PIK3R5: variants seen among roughly 807,000 people sequenced by gnomAD.
PIK3R5 encodes the protein phosphoinositide 3-kinase regulatory subunit 5.
In PIK3R5, 32 loss-of-function variants were observed where a neutral mutation model predicts 94.9. The observed-to-expected ratio is 0.34, with a 90% CI of 0.25 to 0.45. The LOEUF (loss-of-function observed/expected upper bound fraction) is 0.45. Ranked by LOEUF, PIK3R5 falls within the 20% of genes least tolerant of loss-of-function variation. The pLI, the probability that PIK3R5 is intolerant of heterozygous loss-of-function variation, is 1.00. For missense variants in PIK3R5, 853 were observed against 1,144.6 expected (o/e 0.75, Z 3.68); for synonymous variants, 443 against 479.4 (o/e 0.92, Z 0.99).
chr17:8,959,217 G>A (rs2091515917), intron 1 of PIK3R5, among the ~76,000 whole-genome samples: 1 of 152,208 alleles, frequency 6.6e-6, no homozygotes, highest in Non-Finnish European at 1.5e-5. Context: ...CCTCTACACA[G>A]TTTTCATTAT....
intron 6 of PIK3R5, among the ~76,000 whole-genome samples, chr17:8,891,764 CTT>C (rs796816095): frequency 6.9e-6 from 1 of 144,554 alleles, no homozygotes; most frequent in Non-Finnish European, 1.5e-5. Flanking sequence ...GCCCAGCTAA[CTT>C]TTTTTTTTTT....
intron 1 of PIK3R5, among the ~76,000 whole-genome samples, chr17:8,932,090 T>A (rs968403388): frequency 6.6e-6 from 1 of 152,064 alleles, no homozygotes; most frequent in African/African-American, 2.4e-5. Flanking sequence ...AGTAATTCAA[T>A]GAATAAAAAC....
At chr17:8,949,022 G>T (rs2091328216) in intron 1 of PIK3R5, among the ~76,000 whole-genome samples, 1 of 152,142 alleles carries the variant, frequency 6.6e-6, no homozygotes, top group Admixed American at 6.5e-5. Context: ...AGGAGGAGCT[G>T]CCCTGGGTGA....
At chr17:8,936,277 G>A (rs1475680832) in intron 1 of PIK3R5, among the ~76,000 whole-genome samples, 1 of 152,160 alleles carries the variant, frequency 6.6e-6, no homozygotes, top group East Asian at 1.9e-4. Flanking sequence ...AGTAGTCACT[G>A]AAGTCCACAG....
rs1159250234 is a variant in PIK3R5, at chr17:8,945,380, G to C, written c.-14+20216C>G. On this transcript the variant is annotated intron_variant, in intron 1 of 18. Coordinates refer to ENST00000447110, the MANE Select transcript of PIK3R5 (RefSeq NM_001142633.3). The surrounding 1 kb of genome is among the most constrained non-coding windows in gnomAD (Gnocchi z 4.0). ...CACACACACACACTCACACCCTTCA[G>C]GGAATGAGAAACTGGTCCCAGGGCT... Among the ~76,000 whole-genome samples the C allele has an allele frequency of 6.6e-6, 1 of 152,108 alleles. No homozygotes were observed. Among genetic ancestry groups the C allele is most frequent in the South Asian group, 2.1e-4 (1 of 4,820 alleles).
chr17:8,905,803 A>ATT, intron 3 of PIK3R5, 66 bp from the exon 4 acceptor site: 1 of 1,011,486 alleles, frequency 9.9e-7, no homozygotes, highest in Non-Finnish European at 1.4e-6. Context: ...GAGGCAGAAT[A>ATT]CAGTGGTTCT....
intron 3 of PIK3R5, among the ~76,000 whole-genome samples, chr17:8,907,093 G>A (rs1039378353): frequency 2.0e-5 from 3 of 152,124 alleles, no homozygotes; most frequent in Admixed American, 2.0e-4. Flanking sequence ...GTGCAATATC[G>A]GCTCACTGCA....
intron 5 of PIK3R5, among the ~76,000 whole-genome samples, chr17:8,900,056 C>G (rs1411605800): frequency 1.3e-5 from 2 of 150,496 alleles, no homozygotes; most frequent in Non-Finnish European, 3.0e-5. Flanking sequence ...AAAAATCGTG[C>G]GAAAGTATTT....
intron 1 of PIK3R5, among the ~76,000 whole-genome samples, chr17:8,944,011 A>G (rs1006318327): frequency 6.6e-6 from 1 of 151,810 alleles, no homozygotes; most frequent in African/African-American, 2.4e-5. Flanking sequence ...AGTACCCAAT[A>G]GTTATTTTTT....
In PIK3R5 at chr17:8,892,274, C is replaced by A. The variant is rs969629752; in HGVS notation, c.482+1312G>T. Among the ~76,000 whole-genome samples the A allele has an allele frequency of 6.6e-6, 1 of 152,302 alleles. No homozygotes were observed. The highest frequency in any genetic ancestry group is 2.4e-5 in the African/African-American group (1 of 41,570). ...TTTGGGAAGAAACTCACTTTGATTT[C>A]TCTATCTGTAAGAAAAAGGAGGTGG... On this transcript the variant is annotated intron_variant, in intron 6 of 18. Coordinates refer to ENST00000447110, the MANE Select transcript of PIK3R5 (RefSeq NM_001142633.3). The surrounding 1 kb of genome is among the most constrained non-coding windows in gnomAD (Gnocchi z 4.3).
In PIK3R5 at chr17:8,955,123, A is replaced by C. The variant is rs1048138891; in HGVS notation, c.-14+10473T>G. On this transcript the variant is annotated intron_variant, in intron 1 of 18. Coordinates refer to ENST00000447110, the MANE Select transcript of PIK3R5 (RefSeq NM_001142633.3). This position sits in a 1 kb window ranked among gnomAD's most constrained non-coding sequence, Gnocchi z 4.4. Reference sequence around the variant, plus strand: ...CAGTTGTGCACAGAAGACCAGTGATATGTCTGGAGGGTCCTTGAGGGGAGG... The same window carrying C: ...CAGTTGTGCACAGAAGACCAGTGATCTGTCTGGAGGGTCCTTGAGGGGAGG... Among the ~76,000 whole-genome samples the C allele has an allele frequency of 6.6e-6, 1 of 151,988 alleles. No homozygotes were observed. Among genetic ancestry groups the C allele is most frequent in the African/African-American group, 2.4e-5 (1 of 41,366 alleles).
chr17:8,887,371 A>G, intron 11 of PIK3R5, 150 bp from the exon 12 acceptor site: 1 of 1,339,228 alleles, frequency 7.5e-7, no homozygotes, highest in African/African-American at 1.5e-5. Context: ...TCATATGGCA[A>G]AATGTCATGT....
rs1347734055 is a variant in PIK3R5 at position 8,893,569 on chromosome 17, C to G, written c.482+17G>C. 2 of 1,607,388 alleles carry G rather than the reference C, an allele frequency of 1.2e-6. No homozygotes were observed. The highest frequency in any genetic ancestry group is 1.7e-6 in the Non-Finnish European group (2 of 1,174,064). Reference sequence around the variant, plus strand: ...AACTCCCTCCCCACTGTTTCTCCGTCCCCCAAGAGCACTCACACGGTGGAG... The same window carrying G: ...AACTCCCTCCCCACTGTTTCTCCGTGCCCCAAGAGCACTCACACGGTGGAG... On this transcript the variant is annotated intron_variant, in intron 6 of 18. Coordinates refer to ENST00000447110, the MANE Select transcript of PIK3R5 (RefSeq NM_001142633.3). The surrounding 1 kb of genome is among the most constrained non-coding windows in gnomAD (Gnocchi z 5.1).
intron 5 of PIK3R5, among the ~76,000 whole-genome samples, chr17:8,901,444 A>T (rs1011046060): frequency 1.3e-5 from 2 of 152,298 alleles, no homozygotes; most frequent in South Asian, 2.1e-4. Flanking sequence ...CGAGGCACAG[A>T]CAGGTCAGCT....
At position 8,889,542 on chromosome 17, in the gene PIK3R5, G is replaced by T. The variant is rs1429812154; in HGVS notation, c.812-320C>A. ...CCAGAAGGTTTTTATGAGGAATATT[G>T]TAACAGGGAATGCTAATGGTTCCTC... On this transcript the variant is annotated intron_variant, in intron 8 of 18. Coordinates refer to ENST00000447110, the MANE Select transcript of PIK3R5 (RefSeq NM_001142633.3). The surrounding 1 kb of genome is among the most constrained non-coding windows in gnomAD (Gnocchi z 4.1). 2.0e-5 allele frequency among the ~76,000 whole-genome samples: 3 copies of T among 152,148 alleles called. No homozygotes were observed. Among genetic ancestry groups the T allele is most frequent in the African/African-American group, 7.2e-5 (3 of 41,420 alleles).
At chr17:8,913,626 C>A (rs534725167) in intron 1 of PIK3R5, among the ~76,000 whole-genome samples, 7 of 152,294 alleles carry the variant, frequency 4.6e-5, no homozygotes, top group Admixed American at 3.3e-4. Flanking sequence ...GCAGGAGACT[C>A]GCTTGAACCC....
intron 1 of PIK3R5, among the ~76,000 whole-genome samples, chr17:8,958,758 CTCTT>C (rs1395644662): frequency 6.6e-6 from 1 of 150,478 alleles, no homozygotes; most frequent in African/African-American, 2.4e-5. Context: ...TTTTCTCTCT[CTCTT>C]TTTTTTTTTT....
chr17:8,947,091 TGGGA>T (rs2091286451), intron 1 of PIK3R5, among the ~76,000 whole-genome samples: 1 of 6,764 alleles, frequency 1.5e-4, no homozygotes, highest in Non-Finnish European at 7.0e-4. Context: ...GAGAAGCGCA[TGGGA>T]TGGGATCACA....
Position 8,888,730 on chromosome 17 carries a change from C to G in PIK3R5, c.1057G>C (p.Ala353Pro). The G allele has an allele frequency of 6.2e-7, 1 of 1,613,770 alleles. No individual in the cohort carries two copies. The highest frequency in any genetic ancestry group is 1.3e-5 in the African/African-American group (1 of 75,074). The change falls in exon 10 of 19, where the codon GCG (alanine) becomes CCG (proline). Residue 353 changes from alanine (A) to proline (P), a missense_variant. By Grantham distance (27) the Ala-to-Pro change is conservative (BLOSUM62 -1). This residue lies in a region of PIK3R5 where 319 missense variants were observed against 339.8 expected (regional missense o/e 0.94). Transcript: ENST00000447110. The surrounding 1 kb of genome is among the most constrained non-coding windows in gnomAD (Gnocchi z 7.8). ...AGGGACAAGGTGGAGTCATGGGACG[C>G]CAAAGAGCTGGTGGAGAGCAGGGAA... is the stretch of plus-strand genomic sequence containing the variant. ...RDSLLSTSSL[A>P]SHDSTLSLAS...
Sources: allele counts gnomAD v4.1 joint callset (sites outside exome capture counted in the v4.1 genomes callset), GRCh38; gene constraint gnomAD v4.1.1; regional missense constraint gnomAD v4.1.1; non-coding constraint Gnocchi (gnomAD v3.1); transcripts MANE v1.5; gene names NCBI Gene and HGNC (gene_info 2026-07-23, HGNC 2026-07-21).